Variants in TRERF1 observed in about 807,000 individuals in gnomAD.
TRERF1 encodes transcriptional-regulating factor 1.
A neutral mutation model predicts 122.9 loss-of-function variants in TRERF1; 27 were observed. That is an observed-to-expected ratio of 0.22 (90% CI 0.16 to 0.30). The LOEUF (loss-of-function observed/expected upper bound fraction) is 0.30. Ranked by LOEUF, TRERF1 falls within the 10% of genes least tolerant of loss-of-function variation. The pLI is 1.00. For synonymous variants in TRERF1, 636 were observed against 641.7 expected (o/e 0.99, Z 0.13); for missense variants, 1,248 against 1,560.3 (o/e 0.80, Z 3.37).
chr6:42,258,255 G>C (rs76236447), intron 9 of TRERF1, 54 bp from the exon 10 acceptor site: 95,642 of 1,548,906 alleles, frequency 0.062, 3,308 homozygotes, highest in Non-Finnish European at 0.073. Context: ...TGTTGAAAAA[G>C]ACTAAAGCAA....
chr6:42,400,295 C>A (rs1779200148), intron 2 of TRERF1, among the ~76,000 whole-genome samples: 1 of 152,178 alleles, frequency 6.6e-6, no homozygotes, highest in Non-Finnish European at 1.5e-5. Flanking sequence ...GTGATACAAC[C>A]CAAATGACAG....
At chr6:42,366,270 T>C (rs563969644) in intron 2 of TRERF1, among the ~76,000 whole-genome samples, 21 of 152,348 alleles carry the variant, frequency 1.4e-4, no homozygotes, top group African/African-American at 5.1e-4. Flanking sequence ...TGACAATGCT[T>C]GCAACTGCCC....
At chr6:42,352,587 G>GA (rs559695990) in intron 3 of TRERF1, among the ~76,000 whole-genome samples, 2 of 151,560 alleles carry the variant, frequency 1.3e-5, no homozygotes, top group African/African-American at 4.8e-5. Flanking sequence ...GGGCTCAAAG[G>GA]AAAAAAAATC....
intron 2 of TRERF1, among the ~76,000 whole-genome samples, chr6:42,366,037 T>C (rs928455092): frequency 6.6e-6 from 1 of 152,102 alleles, no homozygotes; most frequent in Non-Finnish European, 1.5e-5. Flanking sequence ...CCCTGCCCAG[T>C]CCATGCACCC....
At chr6:42,348,331 G>A (rs1478134005) in intron 3 of TRERF1, among the ~76,000 whole-genome samples, 9 of 151,958 alleles carry the variant, frequency 5.9e-5, no homozygotes. Context: ...TCAGCTCACT[G>A]CAACCTTTGT....
chr6:42,416,355 G>A (rs1465201618), intron 2 of TRERF1, among the ~76,000 whole-genome samples: 1 of 152,160 alleles, frequency 6.6e-6, no homozygotes, highest in Non-Finnish European at 1.5e-5. Context: ...CTACTTGCTT[G>A]ACAAAAATGT....
rs755179935 is a variant in TRERF1 at position 42,269,570 on chromosome 6, G to A, written c.21C>T (p.Tyr7=). 2 of 1,614,096 alleles carry A rather than the reference G, an allele frequency of 1.2e-6. No individual in the cohort carries two copies. The highest frequency in any genetic ancestry group is 2.2e-5 in the South Asian group (2 of 91,088). Residue 7 remains tyrosine, a synonymous_variant, in exon 5 of 18, where the codon TAC becomes TAT. Transcript: ENST00000372922. This position sits in a 1 kb window ranked among gnomAD's most constrained non-coding sequence, Gnocchi z 4.9. ...TACCATGGGCCACATGGTTGGTCTTGTACAGTTGCTGGTCACCCATGCTGT... is the reference window on the plus strand; with the variant it reads ...TACCATGGGCCACATGGTTGGTCTTATACAGTTGCTGGTCACCCATGCTGT...
chr6:42,287,913 T>G (rs1783558983), intron 4 of TRERF1, among the ~76,000 whole-genome samples: 1 of 152,088 alleles, frequency 6.6e-6, no homozygotes, highest in Non-Finnish European at 1.5e-5. Flanking sequence ...CAATCTGGTC[T>G]CATTCACCCT....
chr6:42,234,932 A>T (rs1281033801), intron 16 of TRERF1, among the ~76,000 whole-genome samples: 4 of 152,194 alleles, frequency 2.6e-5, no homozygotes, highest in Non-Finnish European at 4.4e-5. Flanking sequence ...AAATTCACCA[A>T]GAAATACCAT....
rs888986726 is a variant in TRERF1 at position 42,275,186 on chromosome 6, T to C, written c.-258-5338A>G. On this transcript the variant is annotated intron_variant, in intron 4 of 17. Transcript: ENST00000372922. This position sits in a 1 kb window ranked among gnomAD's most constrained non-coding sequence, Gnocchi z 4.1. ...TAGTGGATTAGTCAATCTCACAGAA[T>C]TCTTATAATACCAACTCAGGATTCA... Among the ~76,000 whole-genome samples, 1 of 152,258 alleles carries C rather than the reference T, an allele frequency of 6.6e-6. No individual in the cohort carries two copies. The highest frequency in any genetic ancestry group is 2.4e-5 in the African/African-American group (1 of 41,466).
chr6:42,305,936 G>T (rs1215803343), intron 3 of TRERF1, among the ~76,000 whole-genome samples: 3 of 150,092 alleles, frequency 2.0e-5, no homozygotes, highest in Non-Finnish European at 4.4e-5. Context: ...ATTTTCAAGT[G>T]AGGCCCAGAA....
chr6:42,448,640 A>G (rs1294184841), intron 2 of TRERF1, among the ~76,000 whole-genome samples: 1 of 152,200 alleles, frequency 6.6e-6, no homozygotes, highest in Non-Finnish European at 1.5e-5. Flanking sequence ...CAGAGCCGGA[A>G]GGGAACTCAC....
At chr6:42,248,592 T>A (rs1181019225) in intron 13 of TRERF1, among the ~76,000 whole-genome samples, 2 of 152,110 alleles carry the variant, frequency 1.3e-5, no homozygotes, top group Admixed American at 6.5e-5. Flanking sequence ...CCTGAAGTGA[T>A]CCGCTTGCCT....
intron 3 of TRERF1, among the ~76,000 whole-genome samples, chr6:42,351,322 A>C (rs1282084408): frequency 1.3e-5 from 2 of 152,252 alleles, no homozygotes; most frequent in African/African-American, 4.8e-5. Context: ...ATGTGCAGAG[A>C]CATTTATAGC....
chr6:42,322,543 A>G (rs1419280008), intron 3 of TRERF1, among the ~76,000 whole-genome samples: 6 of 152,314 alleles, frequency 3.9e-5, no homozygotes, highest in South Asian at 4.1e-4. Flanking sequence ...TGGGACAGAT[A>G]ACTAAGCCTG....
At chr6:42,234,422 C>T (rs1771601175) in intron 16 of TRERF1, among the ~76,000 whole-genome samples, 1 of 151,908 alleles carries the variant, frequency 6.6e-6, no homozygotes, top group South Asian at 2.1e-4. Context: ...ACCGCAACCT[C>T]TGCCTCCTGG....
At chr6:42,406,247 C>G (rs201824711) in intron 2 of TRERF1, among the ~76,000 whole-genome samples, 1 of 152,316 alleles carries the variant, frequency 6.6e-6, no homozygotes, top group East Asian at 1.9e-4. Context: ...AACTGCTTCC[C>G]GAAAATCAGT....
rs577837169 is a variant in TRERF1 at position 42,297,876 on chromosome 6, C to A, written c.-259+2762G>T. On this transcript the variant is annotated intron_variant, in intron 4 of 17. Transcript: ENST00000372922. ...CATTATGAATACCAGCCAGCAGAAACAACAAGTGGCAGAACCAGACCTGCA... is the reference window on the plus strand; with the variant it reads ...CATTATGAATACCAGCCAGCAGAAAAAACAAGTGGCAGAACCAGACCTGCA... Among the ~76,000 whole-genome samples, 9 of 152,220 alleles carry A rather than the reference C, an allele frequency of 5.9e-5. No individual in the cohort carries two copies. The South Asian group carries it at 1.7e-3, about 28-fold the overall frequency.
chr6:42,399,541 C>T (rs566683861), intron 2 of TRERF1, among the ~76,000 whole-genome samples: 36 of 152,278 alleles, frequency 2.4e-4, no homozygotes, highest in African/African-American at 7.5e-4. Flanking sequence ...GACCTTGGAG[C>T]GGCTGCAGCG....
Sources: gnomAD v4.1 joint callset for allele counts (sites outside exome capture counted in the v4.1 genomes callset) on GRCh38, gnomAD v4.1.1 for gene constraint, Gnocchi (gnomAD v3.1) non-coding constraint, MANE v1.5 for transcripts, NCBI Gene and HGNC (gene_info 2026-07-23, HGNC 2026-07-21) for gene names.